Variants in MAL observed in about 807,000 individuals in gnomAD.
The protein encoded by MAL is mal, T cell differentiation protein (MAL blood group), also known as myelin and lymphocyte protein.
MAL carries 5 observed loss-of-function variants against 16.7 expected under a neutral mutation model. The ratio of observed to expected loss-of-function variants is 0.30; its 90% CI spans 0.16 to 0.63. The LOEUF (loss-of-function observed/expected upper bound fraction) is 0.63, where lower values mean the gene tolerates loss of function less well. MAL is among the 30% of genes least tolerant of loss of function. The pLI, the probability that MAL is intolerant of heterozygous loss-of-function variation, is 0.82. For missense variants in MAL, 202 were observed against 195.8 expected (o/e 1.03, Z -0.19); for synonymous variants, 96 against 85.5 (o/e 1.12, Z -0.67).
chr2:95,038,303 GGTGAGTGAGTGACTGA>G (rs1421703184), intron 1 of MAL, among the ~76,000 whole-genome samples: 59 of 108,290 alleles, frequency 5.4e-4, no homozygotes, highest in African/African-American at 1.7e-3. Flanking sequence ...TGAGTGACTT[GGTGAGTGAGTGACTGA>G]GTGAGTGAGT....
chr2:95,037,386 GACTGA>G (rs1674253106), intron 1 of MAL, among the ~76,000 whole-genome samples: 1 of 151,242 alleles, frequency 6.6e-6, no homozygotes, highest in African/African-American at 2.4e-5. Flanking sequence ...CTGAGTGATT[GACTGA>G]GTGAGTGAGT....
rs76704182 is a variant in MAL at position 95,032,164 on chromosome 2, G to A, written c.93+6279G>A. Among the ~76,000 whole-genome samples the A allele has an allele frequency of 2.6e-3, 402 of 152,378 alleles. 1 individual carries two copies. Among genetic ancestry groups the A allele is most frequent in the Non-Finnish European group, 3.9e-3 (267 of 68,038 alleles). On this transcript the variant is annotated intron_variant, in intron 1 of 3. Coordinates refer to ENST00000309988, the MANE Select transcript of MAL (RefSeq NM_002371.4). ...GAGTAGGAAGCCCCACGATGCTGCTGCCAGCAGCGCTCACACTCAGGTCGG... is the reference window on the plus strand; with the variant it reads ...GAGTAGGAAGCCCCACGATGCTGCTACCAGCAGCGCTCACACTCAGGTCGG...
In MAL at chr2:95,025,944, C is replaced by T; in HGVS notation, c.93+59C>T. ...GGGCTGAGCCGTGCGCTCTCTCGGG[C>T]GCCCAGCACAGCTGTCGGACGGGAT... On this transcript the variant is annotated intron_variant, in intron 1 of 3. Transcript: ENST00000309988. The surrounding 1 kb of genome is among the most constrained non-coding windows in gnomAD (Gnocchi z 5.6). The T allele has an allele frequency of 7.1e-7, 1 of 1,413,182 alleles. No individual in the cohort carries two copies. Among genetic ancestry groups the T allele is most frequent in the Non-Finnish European group, 9.6e-7 (1 of 1,041,262 alleles). The allele number at this position is 1,413,182 out of a possible 1,614,324, so 87.5% of individuals were successfully genotyped here.
In MAL at chr2:95,025,729, G is replaced by A; in HGVS notation, c.-64G>A. 1 of 1,158,508 alleles carries A rather than the reference G, an allele frequency of 8.6e-7. No individual in the cohort carries two copies. The highest frequency in any genetic ancestry group is 2.1e-4 in the Middle Eastern group (1 of 4,756). 71.8% of individuals were successfully genotyped at this position (1,158,508 alleles called of 1,614,324 possible). On this transcript the variant is annotated 5_prime_UTR_variant, in exon 1 of 4. Transcript: ENST00000309988. The surrounding 1 kb of genome is among the most constrained non-coding windows in gnomAD (Gnocchi z 5.6). ...GGCCACTGGGCTCCGCGGAGCCAGC[G>A]AGAGGTCTGCGCGGAGTCTGAGCGG...
chr2:95,030,804 C>T (rs533560560), intron 1 of MAL, among the ~76,000 whole-genome samples: 44 of 152,312 alleles, frequency 2.9e-4, no homozygotes, highest in African/African-American at 9.6e-4. Flanking sequence ...GGGAGACACC[C>T]GCAATCAGTT....
intron 1 of MAL, among the ~76,000 whole-genome samples, chr2:95,042,583 G>A (rs1287983508): frequency 2.6e-5 from 4 of 152,204 alleles, no homozygotes; most frequent in African/African-American, 9.6e-5. Context: ...AGATCACCCA[G>A]CCAGCTGTCC....
chr2:95,041,857 T>C (rs1242894472), intron 1 of MAL, among the ~76,000 whole-genome samples: 1 of 152,102 alleles, frequency 6.6e-6, no homozygotes, highest in African/African-American at 2.4e-5. Context: ...AGACCATGGA[T>C]GTGAACTCTG....
intron 1 of MAL, among the ~76,000 whole-genome samples, chr2:95,042,823 G>C (rs1204000500): frequency 6.6e-6 from 1 of 152,154 alleles, no homozygotes. Flanking sequence ...ACAAATATTT[G>C]GCCAGCGGGG....
intron 1 of MAL, among the ~76,000 whole-genome samples, chr2:95,039,512 GTGAGTGAC>G (rs1476476148): frequency 2.0e-5 from 3 of 151,590 alleles, no homozygotes; most frequent in African/African-American, 4.8e-5. Context: ...GAGTGACTGA[GTGAGTGAC>G]TGAGTGACTG....
At chr2:95,040,759 T>C (rs530073098) in intron 1 of MAL, among the ~76,000 whole-genome samples, 3 of 152,288 alleles carry the variant, frequency 2.0e-5, no homozygotes, top group African/African-American at 7.2e-5. Flanking sequence ...GGGACATCTC[T>C]TCTTTTCCTT....
chr2:95,038,974 G>C (rs1464189364), intron 1 of MAL, among the ~76,000 whole-genome samples: 3 of 151,912 alleles, frequency 2.0e-5, no homozygotes, highest in Non-Finnish European at 2.9e-5. Context: ...GTGAGTGACT[G>C]AGTGAGTGAC....
At chr2:95,046,652 G>A (rs1307077845) in intron 1 of MAL, among the ~76,000 whole-genome samples, 7 of 152,042 alleles carry the variant, frequency 4.6e-5, no homozygotes, top group African/African-American at 1.7e-4. Context: ...GACATCAACT[G>A]GGGTGTATTC....
chr2:95,046,946 AAG>A (rs1399852487), intron 1 of MAL, among the ~76,000 whole-genome samples: 12 of 150,840 alleles, frequency 8.0e-5, no homozygotes, highest in Admixed American at 3.3e-4. Context: ...GAAAGAAAGA[AAG>A]AGAAAAAAGA....
At chr2:95,030,581 AC>A (rs1054553573) in intron 1 of MAL, among the ~76,000 whole-genome samples, 2 of 152,094 alleles carry the variant, frequency 1.3e-5, no homozygotes, top group African/African-American at 4.8e-5. Context: ...GCCAGGAGAG[AC>A]CCCCTACCCA....
In MAL at chr2:95,053,675, A is replaced by G. The variant is rs1674771342; in HGVS notation, c.*220A>G. ...CCGGGTTGGGAGCTTGCTGTGTCTA[A>G]CCTCCAACTGCTGTGCTGTCTGCTA... On this transcript the variant is annotated 3_prime_UTR_variant, in exon 4 of 4. Transcript: ENST00000309988. 1.8e-6 allele frequency: 1 copy of G among 566,524 alleles called. No homozygotes were observed. The highest frequency in any genetic ancestry group is 3.0e-5 in the Admixed American group (1 of 33,042). The allele number at this position is 566,524 out of a possible 1,614,324, so 35.1% of individuals were successfully genotyped here. A position where few individuals can be genotyped will look rare whatever the true frequency, so the allele number is the denominator to read the frequency against.
At chr2:95,049,839 T>G (rs1414105117) in intron 3 of MAL, 133 bp downstream of exon 3, 1 of 1,324,196 alleles carries the variant, frequency 7.6e-7, no homozygotes, top group Non-Finnish European at 1.0e-6. Context: ...CTTGCCTTCA[T>G]GCCTGGAGCA....
chr2:95,047,941 C>T lies in MAL; in HGVS notation c.94-18C>T. 3 of 1,609,904 alleles carry T rather than the reference C, an allele frequency of 1.9e-6. No individual in the cohort carries two copies. The highest frequency in any genetic ancestry group is 2.2e-5 in the East Asian group (1 of 44,798). On this transcript the variant is annotated intron_variant, in intron 1 of 3. Coordinates refer to ENST00000309988, the MANE Select transcript of MAL (RefSeq NM_002371.4). ...GCTCTCCTCTAGGCCAAAACTCACC[C>T]CTCCTCCTCCCCCGCAGATCTTCGG...
chr2:95,032,981 T>A (rs1217205980), intron 1 of MAL, among the ~76,000 whole-genome samples: 1 of 152,112 alleles, frequency 6.6e-6, no homozygotes, highest in Non-Finnish European at 1.5e-5. Flanking sequence ...CCACAGCACC[T>A]CCGCAGCGGG....
intron 1 of MAL, among the ~76,000 whole-genome samples, chr2:95,031,088 A>C (rs1209413370): frequency 6.6e-6 from 1 of 151,836 alleles, no homozygotes; most frequent in African/African-American, 2.4e-5. Context: ...AATGACAGAA[A>C]CCTCACTTTC....
Sources: allele counts gnomAD v4.1 joint callset (sites outside exome capture counted in the v4.1 genomes callset), GRCh38; gene constraint gnomAD v4.1.1; non-coding constraint Gnocchi (gnomAD v3.1); transcripts MANE v1.5; gene names NCBI Gene and HGNC (gene_info 2026-07-23, HGNC 2026-07-21).